Variants in DMD observed in about 807,000 individuals in gnomAD.
DMD encodes the protein mutant dystrophin.
In DMD, 63 loss-of-function variants were observed where a neutral mutation model predicts 330.1. The observed-to-expected ratio is 0.19, with a 90% CI of 0.16 to 0.24. DMD has a LOEUF of 0.24. Among genes scored for constraint, DMD ranks in the 10% least tolerant of loss-of-function variants. The pLI is 1.00. For missense variants in DMD, 3,344 were observed against 2,684.1 expected, an observed-to-expected ratio of 1.25 and a Z score of -5.43; for synonymous variants, 1,223 against 959.8, an observed-to-expected ratio of 1.27 and a Z score of -5.07.
chrX:31,377,651 A>G (rs1343106422), intron 60 of DMD, among the ~76,000 whole-genome samples: 1 of 111,672 alleles, frequency 9.0e-6, no homozygotes, highest in African/African-American at 3.3e-5. Context: ...AAATTACTCA[A>G]TCTCTCTATA....
chrX:32,584,204 A>G (rs1042830100), intron 13 of DMD, among the ~76,000 whole-genome samples: 1 of 111,657 alleles, frequency 9.0e-6, no homozygotes, highest in African/African-American at 3.3e-5. Context: ...ACTGGTCATC[A>G]GTATATACAA....
chrX:33,008,039 C>G (rs898508207), intron 2 of DMD, among the ~76,000 whole-genome samples: 1 of 111,306 alleles, frequency 9.0e-6, no homozygotes, highest in Admixed American at 9.6e-5. Context: ...CAAAGAGTAA[C>G]TTCACACATT....
At chrX:33,319,413 T>C (rs897650903) in intron 1 of DMD, among the ~76,000 whole-genome samples, 4 of 110,940 alleles carry the variant, frequency 3.6e-5, no homozygotes, top group Non-Finnish European at 5.7e-5. Flanking sequence ...AAATCTGGGA[T>C]GAAATCCCAT....
At chrX:31,327,895 G>A (rs901990373) in intron 61 of DMD, among the ~76,000 whole-genome samples, 1 of 112,585 alleles carries the variant, frequency 8.9e-6, no homozygotes, top group African/African-American at 3.2e-5. Context: ...TTATATGGGT[G>A]TACTACAGCT....
At chrX:32,761,462 C>T (rs1330030229) in intron 7 of DMD, among the ~76,000 whole-genome samples, 2 of 111,879 alleles carry the variant, frequency 1.8e-5, no homozygotes, top group Admixed American at 1.9e-4. Flanking sequence ...AGAAAAATGG[C>T]CAATGTAACT....
At chrX:31,678,806 C>G (rs1031660442) in intron 53 of DMD, among the ~76,000 whole-genome samples, 1 of 111,846 alleles carries the variant, frequency 8.9e-6, no homozygotes, top group Non-Finnish European at 1.9e-5. Context: ...TACATAAATA[C>G]GTATACCAAT....
chrX:31,737,309 C>A (rs1436998618), intron 51 of DMD, among the ~76,000 whole-genome samples: 1 of 112,297 alleles, frequency 8.9e-6, no homozygotes, highest in East Asian at 2.8e-4. Flanking sequence ...GATAAAGGGA[C>A]AGGGATATGA....
At chrX:32,716,783 G>A (rs1303079009) in intron 7 of DMD, among the ~76,000 whole-genome samples, 1 of 111,026 alleles carries the variant, frequency 9.0e-6, no homozygotes, top group African/African-American at 3.3e-5. Flanking sequence ...TGAAGATGAG[G>A]AACTTATTGG....
intron 12 of DMD, among the ~76,000 whole-genome samples, chrX:32,606,207 C>A (rs1164849106): frequency 2.7e-5 from 3 of 110,424 alleles, no homozygotes; most frequent in African/African-American, 9.8e-5. Context: ...TGATAACCAT[C>A]CTTCTACTCT....
At chrX:31,221,919 G>A (rs897014891) in intron 64 of DMD, among the ~76,000 whole-genome samples, 4 of 111,530 alleles carry the variant, frequency 3.6e-5, no homozygotes, top group South Asian at 3.8e-4. Flanking sequence ...TAGGCCGGGC[G>A]TGGTGGCTCA....
In DMD at chrX:31,204,073, C is replaced by T. The variant is rs751095907; in HGVS notation, c.9695G>A (p.Arg3232His). Residue 3232 changes from arginine (R) to histidine (H), a missense_variant, in exon 67 of 79, where the codon CGC (arginine) becomes CAC (histidine). By Grantham distance (29) the Arg-to-His change is conservative. Coordinates refer to ENST00000357033, the MANE Select transcript of DMD (RefSeq NM_004006.3). ...ATCATGCAGAAGGAGGCCCAGCCTG[C>T]GCTGGTCACAAAATCCTGTTGAACT... ...VASSTGFCDQ[R>H]RLGLLLHDSI... 12 of 1,209,180 alleles carry T rather than the reference C, an allele frequency of 9.9e-6. No homozygotes were observed. In the South Asian group the frequency reaches 1.2e-4, roughly 12 times the overall value.
chrX:33,198,449 G>A (rs1317103887), intron 1 of DMD, among the ~76,000 whole-genome samples: 2 of 111,311 alleles, frequency 1.8e-5, no homozygotes, highest in Admixed American at 9.7e-5. Context: ...AAAGGGAACA[G>A]CACCCAATGA....
intron 60 of DMD, among the ~76,000 whole-genome samples, chrX:31,375,814 G>C (rs989781498): frequency 1.8e-5 from 2 of 111,377 alleles, no homozygotes; most frequent in African/African-American, 6.5e-5. Flanking sequence ...TAACATTACT[G>C]AACTATACTC....
At chrX:31,698,253 C>T (rs1688640971) in intron 52 of DMD, among the ~76,000 whole-genome samples, 1 of 111,354 alleles carries the variant, frequency 9.0e-6, no homozygotes, top group South Asian at 3.8e-4. Context: ...TAACTGTGGG[C>T]AACTCTAAAG....
intron 11 of DMD, among the ~76,000 whole-genome samples, chrX:32,623,137 A>T (rs779196299): frequency 9.0e-5 from 10 of 111,023 alleles, no homozygotes; most frequent in African/African-American, 3.3e-4. Flanking sequence ...TATGTGAAAA[A>T]CTCTAAAGAT....
chrX:32,015,013 T>A (rs189506767), intron 44 of DMD, among the ~76,000 whole-genome samples: 1 of 111,924 alleles, frequency 8.9e-6, no homozygotes, highest in Non-Finnish European at 1.9e-5. Flanking sequence ...TAACATACTC[T>A]CAAACACATT....
intron 12 of DMD, among the ~76,000 whole-genome samples, chrX:32,609,389 C>T (rs1369580739): frequency 9.0e-6 from 1 of 110,945 alleles, no homozygotes; most frequent in Non-Finnish European, 1.9e-5. Flanking sequence ...ACTGCAAATG[C>T]CTGAGTCTTT....
intron 34 of DMD, among the ~76,000 whole-genome samples, chrX:32,375,596 A>C (rs1475530977): frequency 8.9e-6 from 1 of 112,213 alleles, no homozygotes; most frequent in Non-Finnish European, 1.9e-5. Flanking sequence ...CATCTTAAGG[A>C]ATGAAATATT....
intron 55 of DMD, among the ~76,000 whole-genome samples, chrX:31,613,798 C>CT (rs1175987117): frequency 1.2e-3 from 130 of 111,600 alleles, no homozygotes; most frequent in African/African-American, 3.8e-3. Flanking sequence ...ATCTTATCAA[C>CT]TTGTATATTT....
Sources: allele counts gnomAD v4.1 joint callset (sites outside exome capture counted in the v4.1 genomes callset), GRCh38; gene constraint gnomAD v4.1.1; transcripts MANE v1.5; gene names NCBI Gene and HGNC (gene_info 2026-07-23, HGNC 2026-07-21).